The following NCALD variants were observed in gnomAD, a reference collection of about 807,000 sequenced individuals.
NCALD encodes neurocalcin-delta.
Under a neutral mutation model 18.6 loss-of-function variants are expected in NCALD, and 10 were observed. The observed-to-expected ratio is 0.54, with a 90% CI of 0.33 to 0.91. The LOEUF is 0.91. NCALD is among the 40% of genes least tolerant of loss of function. The pLI is 0.03. For missense variants in NCALD, 184 were observed against 247.6 expected, an observed-to-expected ratio of 0.74 and a Z score of 1.72; for synonymous variants, 88 against 87.4, an observed-to-expected ratio of 1.01 and a Z score of -0.04.
At chr8:101,936,891 T>C (rs1291631557) in intron 2 of NCALD, among the ~76,000 whole-genome samples, 1 of 152,206 alleles carries the variant, frequency 6.6e-6, no homozygotes, top group Non-Finnish European at 1.5e-5. Context: ...TTGTATCCTA[T>C]CTGGGAAACT....
chr8:102,038,386 T>C (rs747649898), intron 1 of NCALD, among the ~76,000 whole-genome samples: 2 of 152,170 alleles, frequency 1.3e-5, no homozygotes, highest in African/African-American at 2.4e-5. Context: ...GACAGGCTTA[T>C]CACACAATGC....
chr8:101,691,966 A>G (rs1301104910), intron 3 of NCALD: 1 of 985,302 alleles, frequency 1.0e-6, no homozygotes, highest in Admixed American at 6.1e-5. Flanking sequence ...CTCAAGTATA[A>G]CATTTAAATA....
intron 4 of NCALD, among the ~76,000 whole-genome samples, chr8:101,830,803 C>T (rs1053422025): frequency 3.4e-5 from 5 of 147,270 alleles, no homozygotes; most frequent in Non-Finnish European, 7.4e-5. Flanking sequence ...TGCAGTGGTG[C>T]GATCTCGGCT....
intron 4 of NCALD, among the ~76,000 whole-genome samples, chr8:101,825,513 C>T (rs564010952): frequency 5.9e-5 from 9 of 152,342 alleles, no homozygotes; most frequent in African/African-American, 1.9e-4. Context: ...GTGTTGCCAC[C>T]ATCCCTGCAG....
At chr8:101,957,490 T>A (rs141322697) in intron 2 of NCALD, among the ~76,000 whole-genome samples, 1 of 152,220 alleles carries the variant, frequency 6.6e-6, no homozygotes, top group East Asian at 1.9e-4. Flanking sequence ...AGTTCCCTAT[T>A]TTTAGGGCTT....
chr8:101,932,793 T>C (rs1818625092), intron 2 of NCALD, among the ~76,000 whole-genome samples: 1 of 152,178 alleles, frequency 6.6e-6, no homozygotes, highest in African/African-American at 2.4e-5. Flanking sequence ...CACACTGTAA[T>C]AAAACAAACT....
chr8:101,915,189 C>A (rs956575943), intron 3 of NCALD, among the ~76,000 whole-genome samples: 1 of 152,142 alleles, frequency 6.6e-6, no homozygotes, highest in Non-Finnish European at 1.5e-5. Context: ...CAGATAGTAA[C>A]TAACAGAGCC....
chr8:101,840,599 A>G (rs975216963), intron 4 of NCALD, among the ~76,000 whole-genome samples: 5 of 152,184 alleles, frequency 3.3e-5, no homozygotes, highest in African/African-American at 1.2e-4. Flanking sequence ...TTTAAGGGGA[A>G]AATATGATGT....
chr8:101,817,653 G>A (rs983029293), intron 4 of NCALD, among the ~76,000 whole-genome samples: 2 of 151,850 alleles, frequency 1.3e-5, no homozygotes, highest in Non-Finnish European at 2.9e-5. Context: ...CCGACAATGA[G>A]GATTTCAGAA....
At chr8:102,066,571 T>C (rs1444463371) in intron 1 of NCALD, among the ~76,000 whole-genome samples, 2 of 152,200 alleles carry the variant, frequency 1.3e-5, no homozygotes, top group African/African-American at 4.8e-5. Context: ...GTGATGTAGC[T>C]TTAAAAGAAT....
intron 1 of NCALD, among the ~76,000 whole-genome samples, chr8:102,034,091 T>C (rs1586955536): frequency 1.3e-5 from 2 of 152,156 alleles, no homozygotes; most frequent in Middle Eastern, 6.8e-3. Context: ...ATAGCAACTA[T>C]GTGTATTTTC....
chr8:101,743,513 C>T (rs755739095), intron 1 of NCALD, among the ~76,000 whole-genome samples: 8 of 152,126 alleles, frequency 5.3e-5, no homozygotes, highest in Non-Finnish European at 7.3e-5. Context: ...TTAACCTAAC[C>T]TATTAAGAAA....
intron 1 of NCALD, among the ~76,000 whole-genome samples, chr8:101,781,448 C>A (rs866493164): frequency 6.6e-6 from 1 of 152,258 alleles, no homozygotes; most frequent in African/African-American, 2.4e-5. Flanking sequence ...ACAAGGAGCA[C>A]AACATGGGCA....
Position 101,769,167 on chromosome 8 carries a change from T to C in NCALD, c.-20+21695A>G, listed in dbSNP as rs1199913526. Among the ~76,000 whole-genome samples, 3 of 152,362 alleles carry C rather than the reference T, an allele frequency of 2.0e-5. No homozygotes were observed. In the East Asian group the frequency reaches 5.8e-4, roughly 29 times the overall value. On this transcript the variant is annotated intron_variant, in intron 1 of 3. Transcript: ENST00000220931. ...GCTGCTCTGTTGACCTTTAGGCTTC[T>C]GACCTCCAGAACTGTAAAATAATCA...
At chr8:101,850,327 T>C (rs1815041236) in intron 4 of NCALD, among the ~76,000 whole-genome samples, 2 of 152,332 alleles carry the variant, frequency 1.3e-5, no homozygotes, top group East Asian at 1.9e-4. Context: ...TCGCCTGCTG[T>C]ATAAACGAAC....
chr8:101,826,473 A>G (rs1813942658), intron 4 of NCALD, among the ~76,000 whole-genome samples: 1 of 152,218 alleles, frequency 6.6e-6, no homozygotes, highest in East Asian at 1.9e-4. Flanking sequence ...CTTTGGAGTC[A>G]CATTTAACTA....
At chr8:101,707,363 G>A (rs1255794954) in intron 2 of NCALD, among the ~76,000 whole-genome samples, 1 of 152,220 alleles carries the variant, frequency 6.6e-6, no homozygotes, top group Non-Finnish European at 1.5e-5. Flanking sequence ...GGAAATGAGT[G>A]TGGATTAGTC....
chr8:101,866,000 T>C (rs1373112474), intron 4 of NCALD, among the ~76,000 whole-genome samples: 4 of 152,202 alleles, frequency 2.6e-5, no homozygotes, highest in Non-Finnish European at 5.9e-5. Context: ...TACTTCCTAG[T>C]GCTCCAGTAC....
chr8:101,939,799 C>T (rs922122837), intron 2 of NCALD, among the ~76,000 whole-genome samples: 1 of 152,132 alleles, frequency 6.6e-6, no homozygotes, highest in African/African-American at 2.4e-5. Context: ...AGGTATTTCC[C>T]ATCTGATAAT....
Sources: gnomAD v4.1 joint callset for allele counts (sites outside exome capture counted in the v4.1 genomes callset) on GRCh38, gnomAD v4.1.1 for gene constraint, MANE v1.5 for transcripts, NCBI Gene and HGNC (gene_info 2026-07-23, HGNC 2026-07-21) for gene names.